Variants in ULK4 observed in about 807,000 individuals in gnomAD.
ULK4 encodes the protein inactive serine/threonine-protein kinase ULK4.
ULK4 carries 133 observed loss-of-function variants against 160.6 expected under a neutral mutation model. That is an observed-to-expected ratio of 0.83 (90% CI 0.72 to 0.96). The LOEUF (loss-of-function observed/expected upper bound fraction) is 0.96. Ranked by LOEUF, ULK4 falls within the 40% of genes least tolerant of loss-of-function variation. The pLI is 0.00. For synonymous variants in ULK4, 534 were observed against 539.8 expected (o/e 0.99, Z 0.15); for missense variants, 1,580 against 1,499.5 (o/e 1.05, Z -0.89).
chr3:41,379,528 A>G (rs1475601767), intron 35 of ULK4, among the ~76,000 whole-genome samples: 2 of 152,198 alleles, frequency 1.3e-5, no homozygotes. Flanking sequence ...AAGCCTCAAT[A>G]ACAATTTCAT....
At chr3:41,633,393 T>C (rs936842853) in intron 30 of ULK4, among the ~76,000 whole-genome samples, 1 of 152,220 alleles carries the variant, frequency 6.6e-6, no homozygotes, top group African/African-American at 2.4e-5. Flanking sequence ...TGTGTATTCA[T>C]TTACATACTG....
At chr3:41,757,431 G>C (rs972085821) in intron 21 of ULK4, among the ~76,000 whole-genome samples, 3 of 151,898 alleles carry the variant, frequency 2.0e-5, no homozygotes, top group Admixed American at 6.6e-5. Context: ...AGGAGATCAA[G>C]ACCAACCTGG....
chr3:41,919,840 C>T (rs779248165), intron 5 of ULK4, 22 bp from the exon 6 acceptor site: 1 of 1,573,178 alleles, frequency 6.4e-7, no homozygotes, highest in South Asian at 1.1e-5. Flanking sequence ...GTATGAAGAA[C>T]AGCTCGGTTA....
At chr3:41,573,658 C>T (rs2088082987) in intron 31 of ULK4, among the ~76,000 whole-genome samples, 1 of 152,146 alleles carries the variant, frequency 6.6e-6, no homozygotes, top group African/African-American at 2.4e-5. Flanking sequence ...GCAGCATCTA[C>T]AATTTCTTAA....
At chr3:41,918,958 T>C (rs1187922185) in intron 6 of ULK4, among the ~76,000 whole-genome samples, 2 of 152,166 alleles carry the variant, frequency 1.3e-5, no homozygotes, top group Non-Finnish European at 2.9e-5. Context: ...ATACAACTTA[T>C]AGAAAAAATA....
At chr3:41,267,208 CTG>C in intron 35 of ULK4, among the ~76,000 whole-genome samples, 1 of 152,190 alleles carries the variant, frequency 6.6e-6, no homozygotes, top group South Asian at 2.1e-4. Flanking sequence ...GTTCCCCTCT[CTG>C]TGTCCATGTA....
intron 4 of ULK4, among the ~76,000 whole-genome samples, chr3:41,932,595 G>A (rs1699637575): frequency 6.6e-6 from 1 of 152,256 alleles, no homozygotes; most frequent in Non-Finnish European, 1.5e-5. Context: ...TCACTGGCAT[G>A]TGACAAGTGC....
At chr3:41,867,105 T>G (rs1286454629) in intron 17 of ULK4, among the ~76,000 whole-genome samples, 1 of 152,230 alleles carries the variant, frequency 6.6e-6, no homozygotes, top group Non-Finnish European at 1.5e-5. Flanking sequence ...CATCAATTTT[T>G]TATCTATTGT....
chr3:41,315,102 C>A (rs939606695), intron 35 of ULK4, among the ~76,000 whole-genome samples: 5 of 152,102 alleles, frequency 3.3e-5, no homozygotes, highest in African/African-American at 1.2e-4. Flanking sequence ...AAATTGGGAA[C>A]AAGAGTGACA....
intron 30 of ULK4, among the ~76,000 whole-genome samples, chr3:41,623,257 C>G (rs2033341629): frequency 6.6e-6 from 1 of 152,054 alleles, no homozygotes; most frequent in African/African-American, 2.4e-5. Flanking sequence ...GCTTATTTGT[C>G]TATGATAACA....
At chr3:41,377,353 A>C (rs1233282540) in intron 35 of ULK4, among the ~76,000 whole-genome samples, 12 of 151,836 alleles carry the variant, frequency 7.9e-5, no homozygotes, top group South Asian at 4.2e-4. Context: ...CAATGGCAAC[A>C]AAAGACAAAA....
At chr3:41,443,855 C>A (rs765587403) in intron 34 of ULK4, among the ~76,000 whole-genome samples, 15 of 151,862 alleles carry the variant, frequency 9.9e-5, no homozygotes, top group Non-Finnish European at 2.1e-4. Flanking sequence ...AATATTTTCC[C>A]ATATGATTAA....
At chr3:41,831,366 T>C (rs2041576341) in intron 18 of ULK4, among the ~76,000 whole-genome samples, 1 of 150,042 alleles carries the variant, frequency 6.7e-6, no homozygotes, top group African/African-American at 2.4e-5. Flanking sequence ...GAAATATATC[T>C]ATGTTAATTA....
intron 1 of ULK4, among the ~76,000 whole-genome samples, chr3:41,957,283 A>C (rs1014732021): frequency 6.7e-6 from 1 of 148,610 alleles, no homozygotes; most frequent in African/African-American, 2.4e-5. Context: ...GCAAAATCCT[A>C]TCTCTACTAA....
chr3:41,895,454 A>G, intron 16 of ULK4, 64 bp downstream of exon 16: 2 of 905,068 alleles, frequency 2.2e-6, no homozygotes, highest in Non-Finnish European at 3.2e-6. Context: ...TTTGATAAAT[A>G]TGTGCTCTGT....
chr3:41,841,009 C>T (rs1292683488), intron 17 of ULK4, among the ~76,000 whole-genome samples: 4 of 149,292 alleles, frequency 2.7e-5, no homozygotes, highest in Non-Finnish European at 5.9e-5. Context: ...ATGTGAGGAG[C>T]GCCTCTGCCC....
chr3:41,341,204 G>C (rs2080675618), intron 35 of ULK4, among the ~76,000 whole-genome samples: 1 of 152,172 alleles, frequency 6.6e-6, no homozygotes, highest in Non-Finnish European at 1.5e-5. Flanking sequence ...CCATCAAGAT[G>C]TTAAGACTTT....
chr3:41,783,204 G>GT (rs35338196), intron 21 of ULK4, among the ~76,000 whole-genome samples: 44,921 of 151,906 alleles, frequency 0.3, 9,253 homozygotes, highest in African/African-American at 0.59. Flanking sequence ...TTGGTGTTCT[G>GT]ATTCCACATA....
chr3:41,506,775 T>TATAAATATATATATATATATAA (rs1559658136), intron 32 of ULK4, among the ~76,000 whole-genome samples: 1 of 17,622 alleles, frequency 5.7e-5, no homozygotes, highest in Non-Finnish European at 1.5e-4. Flanking sequence ...AAAATATATA[T>TATAAATATATATATATATATAA]ATATATATAT....
Sources: gnomAD v4.1 joint callset for allele counts (sites outside exome capture counted in the v4.1 genomes callset) on GRCh38, gnomAD v4.1.1 for gene constraint, MANE v1.5 for transcripts, NCBI Gene and HGNC (gene_info 2026-07-23, HGNC 2026-07-21) for gene names.